The following NCKAP5 variants were observed in gnomAD, a reference collection of about 807,000 sequenced individuals.
NCKAP5 encodes NCK associated protein 5.
A neutral mutation model predicts 167.0 loss-of-function variants in NCKAP5; 92 were observed. The ratio of observed to expected loss-of-function variants is 0.55; its 90% CI spans 0.47 to 0.66. NCKAP5 has a LOEUF of 0.66. NCKAP5 is among the 30% of genes least tolerant of loss of function. The probability of loss-of-function intolerance (pLI) is 0.00; values close to 1 mark genes in which losing one functional copy is unlikely to be tolerated. For missense variants in NCKAP5, 2,378 were observed against 2,315.0 expected (o/e 1.03, Z -0.56); for synonymous variants, 891 against 877.4 (o/e 1.02, Z -0.27).
At chr2:133,533,921 A>G (rs1250471220) in intron 2 of NCKAP5, among the ~76,000 whole-genome samples, 1 of 152,094 alleles carries the variant, frequency 6.6e-6, no homozygotes, top group Non-Finnish European at 1.5e-5. Context: ...AGTTGTCTAT[A>G]TGTCTTTCTT....
In NCKAP5 at chr2:132,784,526, C is replaced by T. The variant is rs574641454; in HGVS notation, c.2285G>A (p.Arg762Lys). 3 of 1,568,460 alleles carry T rather than the reference C, an allele frequency of 1.9e-6. No homozygotes were observed. Among genetic ancestry groups the T allele is most frequent in the Non-Finnish European group, 2.6e-6 (3 of 1,157,760 alleles). ...CTGCTGAGGATTTTGTGTCACTGTC[C>T]TGGAGCTGAAAGATTCAGTGGACAC... The part of the protein sequence containing the change: ...PRVSTESFSS[R>K]TVTQNPQQQK... Residue 762 changes from arginine (R) to lysine (K), a missense_variant, in exon 14 of 20, where the codon AGG (arginine) becomes AAG (lysine). Physicochemically the swap from Arg to Lys is conservative, Grantham distance 26. Coordinates refer to ENST00000409261, the MANE Select transcript of NCKAP5 (RefSeq NM_207363.3).
chr2:133,674,608 C>T, the NCKAP5 span, among the ~76,000 whole-genome samples: 3 of 152,066 alleles, frequency 2.0e-5, no homozygotes, highest in African/African-American at 7.2e-5. Context: ...ACATTGGGTG[C>T]TTTCCTCTAT....
chr2:133,401,322 T>C lies in NCKAP5; in HGVS notation c.70-98212A>G, dbSNP rs1198418267. On this transcript the variant is annotated intron_variant, in intron 3 of 19. Transcript: ENST00000409261. Reference sequence around the variant, plus strand: ...GGCTGTTTCAAACTTGTATCATTTATAGTAAACTAATAATAGTAAGTTAAC... The same window carrying C: ...GGCTGTTTCAAACTTGTATCATTTACAGTAAACTAATAATAGTAAGTTAAC... Among the ~76,000 whole-genome samples the C allele has an allele frequency of 2.0e-5, 3 of 152,324 alleles. No homozygotes were observed. In the East Asian group the frequency reaches 5.8e-4, roughly 29 times the overall value.
intron 7 of NCKAP5, among the ~76,000 whole-genome samples, chr2:132,971,128 T>C (rs1184946804): frequency 6.6e-6 from 1 of 152,218 alleles, no homozygotes; most frequent in African/African-American, 2.4e-5. Flanking sequence ...GCTTACAGTC[T>C]TGCAGAAGAA....
chr2:133,616,402 T>C, the NCKAP5 span, among the ~76,000 whole-genome samples: 1 of 152,086 alleles, frequency 6.6e-6, no homozygotes, highest in Non-Finnish European at 1.5e-5. Context: ...GATAGACTGC[T>C]AGCAAGACTA....
intron 5 of NCKAP5, among the ~76,000 whole-genome samples, chr2:133,167,595 C>A (rs1559216554): frequency 6.6e-6 from 1 of 152,108 alleles, no homozygotes; most frequent in African/African-American, 2.4e-5. Context: ...AGTGAGGCAA[C>A]GAACCCTGGT....
At chr2:133,325,067 G>T (rs1030427088) in intron 3 of NCKAP5, among the ~76,000 whole-genome samples, 1 of 152,164 alleles carries the variant, frequency 6.6e-6, no homozygotes, top group Non-Finnish European at 1.5e-5. Context: ...CTGAGCACCT[G>T]TTATGTGTAG....
chr2:132,975,254 A>G (rs532519191), intron 7 of NCKAP5, among the ~76,000 whole-genome samples: 1 of 152,372 alleles, frequency 6.6e-6, no homozygotes, highest in East Asian at 1.9e-4. Flanking sequence ...AAAGAGAACT[A>G]AGCACATGGT....
chr2:132,865,847 G>T (rs1397338275), intron 10 of NCKAP5, among the ~76,000 whole-genome samples: 2 of 152,136 alleles, frequency 1.3e-5, no homozygotes, highest in Non-Finnish European at 2.9e-5. Flanking sequence ...ACCTCACGGG[G>T]CTGCCTTGAG....
At position 132,935,920 on chromosome 2, in the gene NCKAP5, G is replaced by A. The variant is rs555909956; in HGVS notation, c.579+27800C>T. Among the ~76,000 whole-genome samples, 21 of 152,092 alleles carry A rather than the reference G, an allele frequency of 1.4e-4. No individual in the cohort carries two copies. The East Asian group carries it at 2.9e-3, about 21-fold the overall frequency. ...GGGACATCTGGTAAAGGCTGGTGCC[G>A]TTAATCAGGAATGATAATTCAGGCA... is the stretch of plus-strand genomic sequence containing the variant. On this transcript the variant is annotated intron_variant, in intron 8 of 19. Transcript: ENST00000409261.
chr2:133,347,582 AT>A (rs1356774304), intron 3 of NCKAP5, among the ~76,000 whole-genome samples: 2 of 149,098 alleles, frequency 1.3e-5, no homozygotes, highest in African/African-American at 4.9e-5. Flanking sequence ...AAAATAATTA[AT>A]ATAATATAAT....
intron 4 of NCKAP5, among the ~76,000 whole-genome samples, chr2:133,250,093 C>T (rs959918641): frequency 2.0e-5 from 3 of 151,164 alleles, no homozygotes; most frequent in Non-Finnish European, 2.9e-5. Flanking sequence ...AATCTGAAAA[C>T]ATCAGGATCC....
chr2:133,581,597 C>A, the NCKAP5 span, among the ~76,000 whole-genome samples: 4 of 152,128 alleles, frequency 2.6e-5, no homozygotes, highest in Admixed American at 2.6e-4. Flanking sequence ...TGGATTGGAC[C>A]CATTTCCCTG....
At chr2:132,841,064 T>A (rs62177053) in intron 11 of NCKAP5, among the ~76,000 whole-genome samples, 46,048 of 152,016 alleles carry the variant, frequency 0.3, 7,265 homozygotes, top group African/African-American at 0.4. Context: ...TTTCTGTACT[T>A]GGTTCTCTTG....
At chr2:132,810,558 A>T (rs1464089786) in intron 11 of NCKAP5, among the ~76,000 whole-genome samples, 1 of 152,002 alleles carries the variant, frequency 6.6e-6, no homozygotes, top group African/African-American at 2.4e-5. Flanking sequence ...TACTTGTTCA[A>T]TTCTATTGCT....
At chr2:133,027,577 T>C (rs1408109099) in intron 6 of NCKAP5, among the ~76,000 whole-genome samples, 1 of 152,148 alleles carries the variant, frequency 6.6e-6, no homozygotes, top group African/African-American at 2.4e-5. Flanking sequence ...TTATCCAAAC[T>C]GCTTCATGAC....
intron 8 of NCKAP5, among the ~76,000 whole-genome samples, chr2:132,953,574 G>T (rs2076257259): frequency 6.6e-6 from 1 of 151,856 alleles, no homozygotes; most frequent in Non-Finnish European, 1.5e-5. Context: ...TGTAATTCCA[G>T]CATCCAGCAG....
chr2:132,821,219 G>T (rs1399443855), intron 11 of NCKAP5, among the ~76,000 whole-genome samples: 1 of 152,160 alleles, frequency 6.6e-6, no homozygotes, highest in African/African-American at 2.4e-5. Flanking sequence ...CAAAGCGTGA[G>T]GGGGAGAAAC....
intron 2 of NCKAP5, among the ~76,000 whole-genome samples, chr2:133,549,200 C>A (rs1166758638): frequency 2.0e-5 from 3 of 151,644 alleles, no homozygotes; most frequent in Non-Finnish European, 4.4e-5. Context: ...ATATATGCAC[C>A]CAATACAGGA....
Sources: allele counts gnomAD v4.1 joint callset (sites outside exome capture counted in the v4.1 genomes callset), GRCh38; gene constraint gnomAD v4.1.1; transcripts MANE v1.5; gene names NCBI Gene and HGNC (gene_info 2026-07-23, HGNC 2026-07-21).